Variants in DLG2 observed in about 807,000 individuals in gnomAD.
DLG2 encodes the protein disks large homolog 2.
Under a neutral mutation model 132.5 loss-of-function variants are expected in DLG2, and 45 were observed. The ratio of observed to expected loss-of-function variants is 0.34; its 90% CI spans 0.27 to 0.44. DLG2 has a LOEUF of 0.44. Ranked by LOEUF, DLG2 falls within the 20% of genes least tolerant of loss-of-function variation. The pLI is 1.00. For synonymous variants in DLG2, 424 were observed against 419.6 expected, an observed-to-expected ratio of 1.01 and a Z score of -0.13; for missense variants, 1,045 against 1,196.9, an observed-to-expected ratio of 0.87 and a Z score of 1.87.
chr11:83,512,134 G>C (rs548249938), intron 21 of DLG2, among the ~76,000 whole-genome samples: 1 of 152,308 alleles, frequency 6.6e-6, no homozygotes, highest in South Asian at 2.1e-4. Flanking sequence ...GTAGGAAATT[G>C]TTAGGTAGAG....
intron 6 of DLG2, among the ~76,000 whole-genome samples, chr11:84,562,770 G>T (rs1429430361): frequency 6.9e-6 from 1 of 144,556 alleles, no homozygotes; most frequent in African/African-American, 2.6e-5. Flanking sequence ...TTTCTTTTGA[G>T]ACAGGTTCTT....
At chr11:84,192,863 A>T (rs981991066) in intron 8 of DLG2, among the ~76,000 whole-genome samples, 1 of 152,238 alleles carries the variant, frequency 6.6e-6, no homozygotes. Context: ...GATGAATACA[A>T]TACATATTCC....
chr11:83,559,275 C>A (rs555939132), intron 19 of DLG2, among the ~76,000 whole-genome samples: 1 of 152,246 alleles, frequency 6.6e-6, no homozygotes, highest in African/African-American at 2.4e-5. Context: ...GGGGGGAAAT[C>A]TGCCTGGAAA....
At chr11:83,459,953 T>C (rs1332028616) in intron 27 of DLG2, 29 bp from the exon 28 acceptor site, 9 of 1,263,144 alleles carry the variant, frequency 7.1e-6, no homozygotes, top group Admixed American at 3.5e-5. Context: ...CACCCAGAAT[T>C]AGAAATAATT....
At chr11:84,836,995 T>A (rs543881690) in intron 6 of DLG2, among the ~76,000 whole-genome samples, 1 of 151,820 alleles carries the variant, frequency 6.6e-6, no homozygotes, top group Non-Finnish European at 1.5e-5. Context: ...TATCTCCTAA[T>A]GCTATCCCTC....
intron 7 of DLG2, among the ~76,000 whole-genome samples, chr11:84,388,702 T>C (rs900180915): frequency 1.3e-5 from 2 of 149,390 alleles, no homozygotes; most frequent in African/African-American, 2.5e-5. Context: ...GTGATAAATG[T>C]GATAAAAAAG....
At chr11:83,763,703 T>C (rs2094014550) in intron 18 of DLG2, among the ~76,000 whole-genome samples, 2 of 152,182 alleles carry the variant, frequency 1.3e-5, no homozygotes, top group Admixed American at 1.3e-4. Flanking sequence ...ATAGGCAGGT[T>C]TTTAAAATGG....
chr11:84,845,440 A>T (rs1185443493), intron 6 of DLG2, among the ~76,000 whole-genome samples: 4 of 152,122 alleles, frequency 2.6e-5, no homozygotes, highest in African/African-American at 9.7e-5. Flanking sequence ...ACAATAAACA[A>T]ATAATGATAT....
intron 14 of DLG2, among the ~76,000 whole-genome samples, chr11:83,956,428 A>G (rs1378561791): frequency 6.6e-6 from 1 of 152,056 alleles, no homozygotes; most frequent in Non-Finnish European, 1.5e-5. Context: ...GATTATGGGC[A>G]CCCTCACCTG....
At chr11:84,339,228 T>C (rs2098502640) in intron 7 of DLG2, among the ~76,000 whole-genome samples, 1 of 152,166 alleles carries the variant, frequency 6.6e-6, no homozygotes, top group Non-Finnish European at 1.5e-5. Context: ...ATAAAACTTG[T>C]TGGAACTGTG....
chr11:85,072,893 G>A (rs2066061179), intron 6 of DLG2, among the ~76,000 whole-genome samples: 2 of 151,712 alleles, frequency 1.3e-5, no homozygotes, highest in African/African-American at 4.8e-5. Context: ...CAGATATTTT[G>A]GATGATGGGT....
intron 18 of DLG2, chr11:83,682,304 A>C (rs2078969535): frequency 1.0e-6 from 1 of 985,282 alleles, no homozygotes; most frequent in Non-Finnish European, 1.2e-6. Flanking sequence ...TCACTAGCGG[A>C]ACCTGATGAA....
chr11:84,881,262 A>G (rs1316916330), intron 6 of DLG2, among the ~76,000 whole-genome samples: 1 of 152,134 alleles, frequency 6.6e-6, no homozygotes, highest in East Asian at 1.9e-4. Flanking sequence ...ATATTACAAG[A>G]TGTAACTAAT....
chr11:85,369,565 G>T (rs1343077630), intron 3 of DLG2, among the ~76,000 whole-genome samples: 2 of 152,056 alleles, frequency 1.3e-5, no homozygotes, highest in Non-Finnish European at 2.9e-5. Context: ...AAAAGGATTT[G>T]TGGGGCTAGT....
intron 8 of DLG2, among the ~76,000 whole-genome samples, chr11:84,173,266 C>T (rs1012438164): frequency 2.0e-5 from 3 of 152,162 alleles, no homozygotes; most frequent in Non-Finnish European, 2.9e-5. Flanking sequence ...GGTTTTAATG[C>T]ATTCACTTGG....
intron 3 of DLG2, among the ~76,000 whole-genome samples, chr11:85,480,280 A>T (rs2093255621): frequency 6.6e-6 from 1 of 152,226 alleles, no homozygotes; most frequent in Admixed American, 6.5e-5. Flanking sequence ...GGCAAATGTG[A>T]CTCAAAAACA....
chr11:85,067,631 G>A (rs936487266), intron 6 of DLG2, among the ~76,000 whole-genome samples: 1 of 151,916 alleles, frequency 6.6e-6, no homozygotes, highest in Non-Finnish European at 1.5e-5. Flanking sequence ...CTCTGAAATT[G>A]AGGCAATAAT....
chr11:85,492,427 C>A (rs1008780255), intron 3 of DLG2, among the ~76,000 whole-genome samples: 1 of 152,204 alleles, frequency 6.6e-6, no homozygotes, highest in East Asian at 1.9e-4. Context: ...TCTAGATATA[C>A]CATGGTTTTC....
chr11:83,588,834 A>G (rs903866745), intron 19 of DLG2, among the ~76,000 whole-genome samples: 1 of 152,352 alleles, frequency 6.6e-6, no homozygotes, highest in African/African-American at 2.4e-5. Flanking sequence ...CGAGATCTAC[A>G]TGAAGAATGC....
Sources: allele counts gnomAD v4.1 joint callset (sites outside exome capture counted in the v4.1 genomes callset), GRCh38; gene constraint gnomAD v4.1.1; transcripts MANE v1.5; gene names NCBI Gene and HGNC (gene_info 2026-07-23, HGNC 2026-07-21).